The following FCRL5 variants were observed in gnomAD, a reference collection of about 807,000 sequenced individuals.
The protein encoded by FCRL5 is Fc receptor like 5.
Under a neutral mutation model 92.1 loss-of-function variants are expected in FCRL5, and 79 were observed. The ratio of observed to expected loss-of-function variants is 0.86; its 90% CI spans 0.72 to 1.03. The LOEUF (loss-of-function observed/expected upper bound fraction) is 1.03, where lower values mean the gene tolerates loss of function less well. Among genes scored for constraint, FCRL5 ranks in the 50% least tolerant of loss-of-function variants. The pLI, the probability that FCRL5 is intolerant of heterozygous loss-of-function variation, is 0.00. For missense variants in FCRL5, 1,160 were observed against 1,181.1 expected (o/e 0.98, Z 0.26); for synonymous variants, 466 against 469.3 (o/e 0.99, Z 0.09).
chr1:157,515,982 G>A, intron 15 of FCRL5, 109 bp from the exon 16 acceptor site: 1 of 1,183,604 alleles, frequency 8.4e-7, no homozygotes, highest in South Asian at 1.3e-5. Context: ...CTCTCCCTCT[G>A]TGCGGTGAGT....
At chr1:157,519,155 T>A (rs1034623396) in intron 13 of FCRL5, 5 of 188,740 alleles carry the variant, frequency 2.6e-5, no homozygotes, top group Admixed American at 1.1e-4. Context: ...CTCAGAGAGA[T>A]CAGTGACCAG....
chr1:157,521,762 A>C (rs1431494383), intron 10 of FCRL5: 1 of 153,956 alleles, frequency 6.5e-6, no homozygotes, highest in Non-Finnish European at 1.4e-5. Context: ...ACTTTGACCC[A>C]ACAAATCTGC....
rs911522860 is a variant in FCRL5 at position 157,524,648 on chromosome 1, C to T, written c.1961-91G>A. 8 of 1,394,424 alleles carry T rather than the reference C, an allele frequency of 5.7e-6. No homozygotes were observed. In the African/African-American group the frequency reaches 1.2e-4, roughly 20 times the overall value. The allele number at this position is 1,394,424 out of a possible 1,614,324, so 86.4% of individuals were successfully genotyped here. On this transcript the variant is annotated intron_variant, in intron 9 of 16. Transcript: ENST00000361835. ...ATTTCAAATGGAAGAATGTTTTTCTCAGTTTTTAATGCCCTTGTGACATTA... is the reference window on the plus strand; with the variant it reads ...ATTTCAAATGGAAGAATGTTTTTCTTAGTTTTTAATGCCCTTGTGACATTA...
chr1:157,527,456 G>A (rs1302754316), intron 9 of FCRL5, among the ~76,000 whole-genome samples, 161 bp downstream of exon 9: 4 of 152,218 alleles, frequency 2.6e-5, no homozygotes, highest in African/African-American at 4.8e-5. Flanking sequence ...GTTCCTGAAC[G>A]TGTAGGATAC....
chr1:157,552,188 C>G, intron 1 of FCRL5, 144 bp downstream of exon 1: 1 of 745,028 alleles, frequency 1.3e-6, no homozygotes, highest in Admixed American at 2.6e-5. Context: ...CCCTGAGCTA[C>G]AGAGTAAAGT....
Position 157,515,887 on chromosome 1 carries a change from A to C in FCRL5, c.2813-14T>G, listed in dbSNP as rs1364948342. The C allele has an allele frequency of 3.7e-6, 6 of 1,613,432 alleles. No individual in the cohort carries two copies. In the East Asian group the frequency reaches 8.9e-5, roughly 24 times the overall value. ...GGTCAGAGGCCACTGTGGAAAGAGG[A>C]AAGTGTTCAGTTGTGGAAGACTGGC... On this transcript the variant is annotated splice_polypyrimidine_tract_variant and intron_variant, in intron 15 of 16. Transcript: ENST00000361835.
At chr1:157,542,684 C>T in intron 6 of FCRL5, 175 bp downstream of exon 6, 2 of 771,122 alleles carry the variant, frequency 2.6e-6, no homozygotes, top group Non-Finnish European at 4.2e-6. Context: ...GACTGCAATG[C>T]AACGAGACTC....
Position 157,542,859 on chromosome 1 carries a change from C to CAGT in FCRL5, c.1120_1122dup (p.Thr374dup). On this transcript the variant is annotated inframe_insertion and splice_region_variant, in exon 6 of 17. Coordinates refer to ENST00000361835, the MANE Select transcript of FCRL5 (RefSeq NM_031281.3). ...TGATTGGCAGGAATGCAGGGCTTAC[C>CAGT]AGTGACTGAGAGGCTCACAGCCTTA... is the stretch of plus-strand genomic sequence containing the variant. 5 of 1,610,590 alleles carry CAGT rather than the reference C, an allele frequency of 3.1e-6. No individual in the cohort carries two copies. The highest frequency in any genetic ancestry group is 4.2e-6 in the Non-Finnish European group (5 of 1,178,498).
chr1:157,518,349 A>G, intron 15 of FCRL5, 80 bp downstream of exon 15: 1 of 1,262,958 alleles, frequency 7.9e-7, no homozygotes, highest in Non-Finnish European at 1.2e-6. Flanking sequence ...TGTCTGGCTC[A>G]GATCTGCTGA....
chr1:157,533,614 A>T (rs746019245), intron 8 of FCRL5: 2 of 152,362 alleles, frequency 1.3e-5, no homozygotes, highest in East Asian at 1.9e-4. Context: ...TGTTGTGAAG[A>T]CCAAGATGGA....
chr1:157,516,209 G>A lies in FCRL5; in HGVS notation c.2813-336C>T, dbSNP rs1038243498. 8 of 419,150 alleles carry A rather than the reference G, an allele frequency of 1.9e-5. No individual in the cohort carries two copies. In the East Asian group the frequency reaches 3.8e-4, roughly 20 times the overall value. 26.0% of individuals were successfully genotyped at this position (419,150 alleles called of 1,614,324 possible). A position where few individuals can be genotyped will look rare whatever the true frequency, so the allele number is the denominator to read the frequency against. On this transcript the variant is annotated intron_variant, in intron 15 of 16. Transcript: ENST00000361835. ...TTCTGGGAAGGTGTGGTGGGTGCAA[G>A]TTTTAGAGAGCACACTCCATCAGGG...
At chr1:157,523,037 A>G (rs995025074) in intron 10 of FCRL5, among the ~76,000 whole-genome samples, 1 of 152,150 alleles carries the variant, frequency 6.6e-6, no homozygotes, top group African/African-American at 2.4e-5. Flanking sequence ...GGAAAACCCA[A>G]ATCTGAAGTC....
In FCRL5 at chr1:157,552,401, G is replaced by C. The variant is rs1571120520; in HGVS notation, c.-39C>G. On this transcript the variant is annotated 5_prime_UTR_variant, in exon 1 of 17. Coordinates refer to ENST00000361835, the MANE Select transcript of FCRL5 (RefSeq NM_031281.3). The stretch of plus-strand genomic sequence containing the variant: ...ACCAAGGGCTGAGATCAAAAGAGAA[G>C]TTTCCTCAATTCCAAAACAGGTTTG... 1 of 1,612,904 alleles carries C rather than the reference G, an allele frequency of 6.2e-7. No individual in the cohort carries two copies. Among genetic ancestry groups the C allele is most frequent in the Admixed American group, 1.7e-5 (1 of 59,960 alleles).
In FCRL5 at chr1:157,519,785, AGAG is replaced by A. The variant is rs1558126292; in HGVS notation, c.2633-18_2633-16del. On this transcript the variant is annotated splice_polypyrimidine_tract_variant and intron_variant, in intron 12 of 16. Transcript: ENST00000361835. ...AGGCTTTCTCCCTGTAAAGGAAAGC[AGAG>A]GAGCATTGGATTCAGGAAGATGAGA... 6.2e-7 allele frequency: 1 copy of A among 1,613,924 alleles called. No homozygotes were observed. The highest frequency in any genetic ancestry group is 8.5e-7 in the Non-Finnish European group (1 of 1,179,916).
intron 6 of FCRL5, among the ~76,000 whole-genome samples, chr1:157,540,751 A>G (rs1651223481): frequency 6.6e-6 from 1 of 152,220 alleles, no homozygotes; most frequent in African/African-American, 2.4e-5. Context: ...TCTGAATATA[A>G]TTATGATGAT....
At position 157,521,165 on chromosome 1, in the gene FCRL5, C is replaced by T; in HGVS notation, c.2367G>A (p.Glu789=). Residue 789 remains glutamate (E), a synonymous_variant, in exon 11 of 17, where the codon GAG becomes GAA. Coordinates refer to ENST00000361835, the MANE Select transcript of FCRL5 (RefSeq NM_031281.3). Reference sequence around the variant, plus strand: ...ACGACCTATTTCCTAGGGTGACATCCTCATGAAAAAACCGGTACAGGATCA... The same window carrying T: ...ACGACCTATTTCCTAGGGTGACATCTTCATGAAAAAACCGGTACAGGATCA... ...SPLILYRFFH[E]DVTLGNRSSP... is the part of the protein sequence containing the mutation. 6.2e-7 allele frequency: 1 copy of T among 1,614,136 alleles called. No individual in the cohort carries two copies. The highest frequency in any genetic ancestry group is 2.2e-5 in the East Asian group (1 of 44,866).
rs773359244 is a variant in FCRL5, at chr1:157,544,851, G to A, written c.539C>T (p.Thr180Ile). The A allele has an allele frequency of 6.2e-7, 1 of 1,614,172 alleles. No homozygotes were observed. The highest frequency in any genetic ancestry group is 1.7e-5 in the Admixed American group (1 of 60,018). ...KESCCPVSSN[T>I]VKIQVQEPFT... ...TTTACCTTGGACTTGGATTTTGACTGTATTGGAAGAAACAGGGCAACAACT... is the reference window on the plus strand; with the variant it reads ...TTTACCTTGGACTTGGATTTTGACTATATTGGAAGAAACAGGGCAACAACT... Residue 180 changes from threonine to isoleucine, a missense_variant, in exon 4 of 17, where the codon ACA (threonine) becomes ATA (isoleucine). Thr to Ile is a moderately conservative substitution (Grantham distance 89, BLOSUM62 -1). Coordinates refer to ENST00000361835, the MANE Select transcript of FCRL5 (RefSeq NM_031281.3).
chr1:157,527,684 G>A lies in FCRL5; in HGVS notation c.1893C>T (p.Asn631=). The A allele has an allele frequency of 1.9e-6, 3 of 1,614,184 alleles. No homozygotes were observed. The highest frequency in any genetic ancestry group is 2.5e-6 in the Non-Finnish European group (3 of 1,180,006). ...NLSLTAEHSG[N]YSCEANNGLV... ...GGCCATTGTTGGCCTCACATGAGTA[G>A]TTTCCAGAATGTTCTGCAGTCAGAG... Residue 631 remains asparagine, a synonymous_variant, in exon 9 of 17, where the codon AAC becomes AAT. Coordinates refer to ENST00000361835, the MANE Select transcript of FCRL5 (RefSeq NM_031281.3).
intron 7 of FCRL5, among the ~76,000 whole-genome samples, chr1:157,537,485 C>G (rs142123004): frequency 9.2e-5 from 14 of 152,246 alleles, no homozygotes; most frequent in African/African-American, 3.1e-4. Context: ...AATGCGTGCC[C>G]GAAGCTTCAT....
Sources: gnomAD v4.1 joint callset for allele counts (sites outside exome capture counted in the v4.1 genomes callset) on GRCh38, gnomAD v4.1.1 for gene constraint, MANE v1.5 for transcripts, NCBI Gene and HGNC (gene_info 2026-07-23, HGNC 2026-07-21) for gene names.